The following TRIM25 variants were observed in gnomAD, a reference collection of about 807,000 sequenced individuals.
TRIM25 encodes the protein tripartite motif containing 25, also known as E3 ubiquitin/ISG15 ligase TRIM25.
In TRIM25, 45 loss-of-function variants were observed where a neutral mutation model predicts 65.2. The observed-to-expected ratio is 0.69, with a 90% CI of 0.54 to 0.89. The LOEUF (loss-of-function observed/expected upper bound fraction) is 0.89, where lower values mean the gene tolerates loss of function less well. Ranked by LOEUF, TRIM25 falls within the 40% of genes least tolerant of loss-of-function variation. The pLI is 0.00. For synonymous variants in TRIM25, 321 were observed against 340.4 expected (o/e 0.94, Z 0.63); for missense variants, 714 against 803.7 (o/e 0.89, Z 1.35).
intron 1 of TRIM25, among the ~76,000 whole-genome samples, chr17:56,909,196 G>A (rs373337089): frequency 5.9e-4 from 89 of 152,018 alleles, no homozygotes; most frequent in African/African-American, 2.1e-3. Context: ...TCAAGCAGAG[G>A]ATTAAGAAGT....
At position 56,904,145 on chromosome 17, in the gene TRIM25, C is replaced by A. The variant is rs190582034; in HGVS notation, c.927+110G>T. The A allele has an allele frequency of 5.4e-5, 48 of 893,844 alleles. No individual in the cohort carries two copies. The Middle Eastern group carries it at 1.3e-3, about 25-fold the overall frequency. 55.4% of individuals were successfully genotyped at this position (893,844 alleles called of 1,614,324 possible). On this transcript the variant is annotated intron_variant, in intron 3 of 8. Transcript: ENST00000316881. ...TAATACAGCGTGTGTCTCAGGGATG[C>A]TTCCAGTGACCTCTTCCAGTCTCCC...
In TRIM25 at chr17:56,913,891, C is replaced by T. The variant is rs756366983; in HGVS notation, c.98G>A (p.Cys33Tyr). The T allele has an allele frequency of 1.9e-6, 3 of 1,565,198 alleles. No individual in the cohort carries two copies. Among genetic ancestry groups the T allele is most frequent in the Non-Finnish European group, 2.6e-6 (3 of 1,155,288 alleles). The change falls in exon 1 of 9, where the codon TGC becomes TAC. Residue 33 changes from cysteine (C) to tyrosine (Y), a missense_variant. Cys to Tyr is a radical substitution (Grantham distance 194, BLOSUM62 -2). Around this residue, in one of 3 missense-constraint regions of TRIM25, gnomAD observed 291 missense variants for 281.8 expected, o/e 1.03. Transcript: ENST00000316881. This position sits in a 1 kb window ranked among gnomAD's most constrained non-coding sequence, Gnocchi z 6.1. ...CCACGTCTCATTCAGGCACGACCCG[C>T]AGAAGTTGTGGCCGCACGGAGTGGT... is the stretch of plus-strand genomic sequence containing the variant. ...PVTTPCGHNFCGSCLNETWAV... is the reference protein window; with the variant it reads ...PVTTPCGHNFYGSCLNETWAV...
chr17:56,893,411 G>A (rs1423156640), intron 8 of TRIM25, among the ~76,000 whole-genome samples: 2 of 152,238 alleles, frequency 1.3e-5, no homozygotes, highest in East Asian at 3.9e-4. Context: ...GCCGCTAGCA[G>A]CTTGGGCAAG....
At chr17:56,912,539 G>A (rs536247316) in intron 1 of TRIM25, among the ~76,000 whole-genome samples, 3 of 152,262 alleles carry the variant, frequency 2.0e-5, no homozygotes, top group African/African-American at 4.8e-5. Flanking sequence ...GCCCACCAAA[G>A]GCTTTTGCTT....
intron 1 of TRIM25, among the ~76,000 whole-genome samples, chr17:56,910,067 G>T (rs1000721793): frequency 2.6e-5 from 4 of 152,088 alleles, no homozygotes; most frequent in African/African-American, 4.8e-5. Flanking sequence ...TAAGTGACTT[G>T]CCCCAGCTAC....
chr17:56,895,894 G>C (rs1212346740), intron 6 of TRIM25, 32 bp downstream of exon 6: 1 of 1,609,556 alleles, frequency 6.2e-7, no homozygotes, highest in South Asian at 1.1e-5. Flanking sequence ...GCAGTCTCAA[G>C]AAACGAACAG....
intron 8 of TRIM25, among the ~76,000 whole-genome samples, chr17:56,893,971 C>T (rs1470981966): frequency 6.6e-6 from 1 of 152,104 alleles, no homozygotes; most frequent in Non-Finnish European, 1.5e-5. Context: ...CACCTCGGCC[C>T]CACATTGCAA....
chr17:56,898,242 G>T (rs149024811), intron 5 of TRIM25, among the ~76,000 whole-genome samples: 1 of 151,938 alleles, frequency 6.6e-6, no homozygotes, highest in Non-Finnish European at 1.5e-5. Context: ...ACATCTCAGC[G>T]GTATATGGAC....
In TRIM25 at chr17:56,890,886, T is replaced by C. The variant is rs918833377; in HGVS notation, c.*814A>G. ...GAAGCAAGGCCTCCAGCAAAGCTCA[T>C]GGCTGCCACCAAAGCATCTCTGCCA... On this transcript the variant is annotated 3_prime_UTR_variant, in exon 9 of 9. Coordinates refer to ENST00000316881, the MANE Select transcript of TRIM25 (RefSeq NM_005082.5). The C allele has an allele frequency of 8.8e-6, 4 of 456,578 alleles. No individual in the cohort carries two copies. The highest frequency in any genetic ancestry group is 4.0e-5 in the African/African-American group (2 of 50,080). The allele number at this position is 456,578 out of a possible 1,614,324, so 28.3% of individuals were successfully genotyped here.
At chr17:56,911,557 C>T (rs8077288) in intron 1 of TRIM25, among the ~76,000 whole-genome samples, 2,260 of 144,088 alleles carry the variant, frequency 0.016, 50 homozygotes, top group African/African-American at 0.054. Context: ...TCCAGCCTGG[C>T]GACAGAACAA....
intron 6 of TRIM25, 130 bp downstream of exon 6, chr17:56,895,796 C>CA: frequency 1.5e-6 from 2 of 1,299,344 alleles, no homozygotes; most frequent in Admixed American, 5.0e-5. Flanking sequence ...GGCCTGCTGC[C>CA]ATTACAGAAT....
intron 2 of TRIM25, among the ~76,000 whole-genome samples, chr17:56,904,945 C>G (rs1258716834): frequency 6.6e-6 from 1 of 152,126 alleles, no homozygotes; most frequent in Non-Finnish European, 1.5e-5. Context: ...ATATGATGCT[C>G]TTTCAATAAA....
intron 5 of TRIM25, 82 bp downstream of exon 5, chr17:56,899,033 G>C: frequency 6.5e-7 from 1 of 1,527,606 alleles, no homozygotes; most frequent in Non-Finnish European, 9.0e-7. Context: ...AGTGACTCGG[G>C]ATGGGCCGGA....
intron 7 of TRIM25, 28 bp from the exon 8 acceptor site, chr17:56,895,469 C>T (rs1909273126): frequency 6.2e-7 from 1 of 1,613,902 alleles, no homozygotes. Flanking sequence ...GAGTGATTTG[C>T]AGAACAAACT....
intron 1 of TRIM25, among the ~76,000 whole-genome samples, chr17:56,910,258 G>A (rs907035852): frequency 4.6e-5 from 7 of 152,268 alleles, no homozygotes; most frequent in South Asian, 2.1e-4. Context: ...TATTCTGGGC[G>A]GAACCTGATC....
Position 56,891,121 on chromosome 17 carries a change from T to G in TRIM25, c.*579A>C, listed in dbSNP as rs1475721627. Reference sequence around the variant, plus strand: ...TATTTTCCAGTGGAGGAAGAGGGTATGCCTCTTTAGGAAACTGTTCTGGGT... The same window carrying G: ...TATTTTCCAGTGGAGGAAGAGGGTAGGCCTCTTTAGGAAACTGTTCTGGGT... On this transcript the variant is annotated 3_prime_UTR_variant, in exon 9 of 9. Coordinates refer to ENST00000316881, the MANE Select transcript of TRIM25 (RefSeq NM_005082.5). 4 of 362,102 alleles carry G rather than the reference T, an allele frequency of 1.1e-5. No homozygotes were observed. The highest frequency in any genetic ancestry group is 2.1e-5 in the African/African-American group (1 of 46,836). The allele number at this position is 362,102 out of a possible 1,614,324, so 22.4% of individuals were successfully genotyped here.
intron 8 of TRIM25, among the ~76,000 whole-genome samples, chr17:56,892,549 C>T (rs190411781): frequency 4.6e-5 from 7 of 152,334 alleles, no homozygotes; most frequent in African/African-American, 1.7e-4. Flanking sequence ...TTCTGCCTTT[C>T]CATTTATCCA....
chr17:56,901,595 G>T lies in TRIM25; in HGVS notation c.928-17C>A. 2.5e-6 allele frequency: 4 copies of T among 1,613,926 alleles called. No homozygotes were observed. The highest frequency in any genetic ancestry group is 3.4e-6 in the Non-Finnish European group (4 of 1,179,872). On this transcript the variant is annotated splice_polypyrimidine_tract_variant and intron_variant, in intron 3 of 8. Coordinates refer to ENST00000316881, the MANE Select transcript of TRIM25 (RefSeq NM_005082.5). The stretch of plus-strand genomic sequence containing the variant: ...TGATGCTTTCTGGAACATGCCAGGG[G>T]GTTAGTGCAGGCAGCTCTGGTGAAA...
intron 4 of TRIM25, among the ~76,000 whole-genome samples, chr17:56,899,848 G>C (rs1909375054): frequency 6.6e-6 from 1 of 152,204 alleles, no homozygotes; most frequent in Non-Finnish European, 1.5e-5. Context: ...GGGAGGCCAA[G>C]GCAGGAGCAT....
Sources: allele counts gnomAD v4.1 joint callset (sites outside exome capture counted in the v4.1 genomes callset), GRCh38; gene constraint gnomAD v4.1.1; regional missense constraint gnomAD v4.1.1; non-coding constraint Gnocchi (gnomAD v3.1); transcripts MANE v1.5; gene names NCBI Gene and HGNC (gene_info 2026-07-23, HGNC 2026-07-21).